Variants in MAPK10 observed in about 807,000 individuals in gnomAD.
MAPK10 encodes the protein mitogen-activated protein kinase 10.
In MAPK10, 25 loss-of-function variants were observed where a neutral mutation model predicts 59.3. The ratio of observed to expected loss-of-function variants is 0.42; its 90% CI spans 0.31 to 0.59. MAPK10 has a LOEUF of 0.59. Ranked by LOEUF, MAPK10 falls within the 20% of genes least tolerant of loss-of-function variation. The pLI is 0.15. For missense variants in MAPK10, 351 were observed against 568.9 expected, an observed-to-expected ratio of 0.62 and a Z score of 3.90; for synonymous variants, 190 against 200.5, an observed-to-expected ratio of 0.95 and a Z score of 0.44.
At chr4:86,456,250 T>C (rs1314949846), upstream of MAPK10, among the ~76,000 whole-genome samples, 1 of 151,688 alleles carries the variant, frequency 6.6e-6, no homozygotes, top group Non-Finnish European at 1.5e-5. Flanking sequence ...CTCAAGGAAC[T>C]AGAGAAACAA....
intron 2 of MAPK10, among the ~76,000 whole-genome samples, chr4:86,297,925 A>G (rs2095400085): frequency 1.3e-5 from 2 of 152,106 alleles, no homozygotes; most frequent in Admixed American, 1.3e-4. Flanking sequence ...TTATTTCTCC[A>G]GGTTCATGGC....
chr4:86,230,486 T>G (rs1167367585), intron 2 of MAPK10, among the ~76,000 whole-genome samples: 2 of 152,324 alleles, frequency 1.3e-5, no homozygotes, highest in African/African-American at 4.8e-5. Context: ...TAATTTTACC[T>G]CAGAAATATA....
At chr4:86,540,525 G>T (rs769602074) in intron 1 of MAPK10, among the ~76,000 whole-genome samples, 7 of 152,128 alleles carry the variant, frequency 4.6e-5, no homozygotes, top group African/African-American at 7.2e-5. Context: ...CTGGGCAATT[G>T]AAAGAGAAGG....
At chr4:86,134,334 T>C (rs1182322770) in intron 4 of MAPK10, among the ~76,000 whole-genome samples, 1 of 152,208 alleles carries the variant, frequency 6.6e-6, no homozygotes, top group Non-Finnish European at 1.5e-5. Context: ...GATAACTACA[T>C]TATATATTTA....
At chr4:86,170,863 T>C (rs1363547737) in intron 3 of MAPK10, among the ~76,000 whole-genome samples, 1 of 150,386 alleles carries the variant, frequency 6.6e-6, no homozygotes, top group Non-Finnish European at 1.5e-5. Context: ...ACAGAAATTA[T>C]AACACACTAT....
At chr4:86,263,589 G>C (rs565764012) in intron 2 of MAPK10, among the ~76,000 whole-genome samples, 1 of 152,224 alleles carries the variant, frequency 6.6e-6, no homozygotes, top group East Asian at 1.9e-4. Context: ...GACAAATAGG[G>C]ATTAATTTTT....
upstream of MAPK10, among the ~76,000 whole-genome samples, chr4:86,455,160 A>G (rs912845623): frequency 2.2e-4 from 33 of 152,214 alleles, no homozygotes; most frequent in African/African-American, 8.0e-4. Flanking sequence ...TATCCTAGAA[A>G]CACATCAAAA....
intron 4 of MAPK10, chr4:86,124,994 G>C (rs1234953824): frequency 6.6e-6 from 1 of 151,902 alleles, no homozygotes; most frequent in East Asian, 1.9e-4. Flanking sequence ...CTCAGTGTCT[G>C]TGAAAAACCT....
chr4:86,259,888 A>T (rs6531912), intron 2 of MAPK10, among the ~76,000 whole-genome samples: 65,209 of 151,850 alleles, frequency 0.43, 15,834 homozygotes, highest in African/African-American at 0.66. Context: ...AGAGGAAGTG[A>T]TACATGGGCA....
At chr4:86,373,732 GA>G (rs1156439768) in intron 1 of MAPK10, among the ~76,000 whole-genome samples, 1 of 152,142 alleles carries the variant, frequency 6.6e-6, no homozygotes, top group African/African-American at 2.4e-5. Context: ...TTAGAATGGT[GA>G]TCATGAGAAA....
intron 3 of MAPK10, among the ~76,000 whole-genome samples, chr4:86,170,889 G>A (rs2073928862): frequency 6.6e-6 from 1 of 151,136 alleles, no homozygotes. Context: ...AGACCACAGT[G>A]CAATCAAACT....
At chr4:86,357,471 T>C (rs769789151) in intron 1 of MAPK10, among the ~76,000 whole-genome samples, 49 of 152,322 alleles carry the variant, frequency 3.2e-4, no homozygotes, top group Non-Finnish European at 6.0e-4. Context: ...GTTTTGCTTA[T>C]GATGTTCCTG....
intron 4 of MAPK10, among the ~76,000 whole-genome samples, chr4:86,110,301 A>G (rs781174434): frequency 3.3e-5 from 5 of 152,156 alleles, no homozygotes; most frequent in Non-Finnish European, 7.3e-5. Flanking sequence ...ATTTTTGCCC[A>G]TGCCTATGTC....
At chr4:86,026,052 T>C (rs1280730371) in intron 13 of MAPK10, among the ~76,000 whole-genome samples, 1 of 152,214 alleles carries the variant, frequency 6.6e-6, no homozygotes, top group African/African-American at 2.4e-5. Flanking sequence ...CATATTCCCA[T>C]GGTGGGGAAT....
intron 2 of MAPK10, among the ~76,000 whole-genome samples, chr4:86,322,927 G>A (rs575971992): frequency 6.6e-6 from 1 of 152,270 alleles, no homozygotes; most frequent in Admixed American, 6.5e-5. Context: ...GTAATCCCAG[G>A]ACTTTGGGAG....
At chr4:86,025,309 C>T in intron 13 of MAPK10, 2 of 388,948 alleles carry the variant, frequency 5.1e-6, no homozygotes, top group Non-Finnish European at 9.1e-6. Flanking sequence ...GTATGACTCC[C>T]TCTATTGCGC....
chr4:86,103,079 G>GTA (rs202025861), intron 6 of MAPK10, 107 bp downstream of exon 6: 26,008 of 598,418 alleles, frequency 0.043, 298 homozygotes, highest in Non-Finnish European at 0.062. Context: ...TCAACTCTGT[G>GTA]TGTGTGTGTG....
At chr4:86,533,866 G>C (rs184417846) in intron 1 of MAPK10, among the ~76,000 whole-genome samples, 1 of 152,208 alleles carries the variant, frequency 6.6e-6, no homozygotes, top group East Asian at 1.9e-4. Context: ...AACCTTATTT[G>C]CTTCCTGAAT....
chr4:86,117,275 C>T (rs2058432212), intron 4 of MAPK10, among the ~76,000 whole-genome samples: 1 of 152,166 alleles, frequency 6.6e-6, no homozygotes, highest in Non-Finnish European at 1.5e-5. Context: ...CGCATACATA[C>T]ATATATACGC....
Sources: allele counts gnomAD v4.1 joint callset (sites outside exome capture counted in the v4.1 genomes callset), GRCh38; gene constraint gnomAD v4.1.1; transcripts MANE v1.5; gene names NCBI Gene and HGNC (gene_info 2026-07-23, HGNC 2026-07-21).